Variants in ELMOD1 observed in about 807,000 individuals in gnomAD.
ELMOD1 encodes the protein ELMO domain-containing protein 1.
A neutral mutation model predicts 46.7 loss-of-function variants in ELMOD1; 21 were observed. The observed-to-expected ratio is 0.45, with a 90% CI of 0.32 to 0.65. ELMOD1 has a LOEUF of 0.65. Among genes scored for constraint, ELMOD1 ranks in the 30% least tolerant of loss-of-function variants. ELMOD1 has a pLI of 0.04. For missense variants in ELMOD1, 348 were observed against 407.8 expected, an observed-to-expected ratio of 0.85 and a Z score of 1.26; for synonymous variants, 122 against 138.2, an observed-to-expected ratio of 0.88 and a Z score of 0.82.
In ELMOD1 at chr11:107,631,441, G is replaced by C. The variant is rs1368800780; in HGVS notation, c.193-139G>C. On this transcript the variant is annotated intron_variant, in intron 4 of 11. Transcript: ENST00000265840. ...AAATGTCAAATTTATTAGAATTCAAGTACGCTAAATCAATTGTTGCTTTTA... is the reference window on the plus strand; with the variant it reads ...AAATGTCAAATTTATTAGAATTCAACTACGCTAAATCAATTGTTGCTTTTA... The C allele has an allele frequency of 5.5e-5, 17 of 306,502 alleles. No homozygotes were observed. The South Asian group carries it at 2.1e-3, about 37-fold the overall frequency. 19.0% of individuals were successfully genotyped at this position (306,502 alleles called of 1,614,324 possible). A position where few individuals can be genotyped will look rare whatever the true frequency, so the allele number is the denominator to read the frequency against.
At chr11:107,614,306 A>G (rs1388578098) in intron 1 of ELMOD1, among the ~76,000 whole-genome samples, 1 of 152,152 alleles carries the variant, frequency 6.6e-6, no homozygotes, top group Non-Finnish European at 1.5e-5. Flanking sequence ...TTTATTCCTC[A>G]TATTACAATT....
At chr11:107,644,987 G>A (rs1353125837) in intron 6 of ELMOD1, among the ~76,000 whole-genome samples, 2 of 149,518 alleles carry the variant, frequency 1.3e-5, no homozygotes, top group Admixed American at 6.7e-5. Flanking sequence ...GCAGTGGCGC[G>A]ATCTCGGCTC....
intron 2 of ELMOD1, among the ~76,000 whole-genome samples, chr11:107,626,510 C>T (rs190830159): frequency 2.0e-5 from 3 of 151,350 alleles, no homozygotes; most frequent in African/African-American, 7.3e-5. Flanking sequence ...CTCTTCCTTC[C>T]TCTCTCCCTC....
In ELMOD1 at chr11:107,626,513, TCTCC is replaced by T. The variant is rs141618971; in HGVS notation, c.18-3900_18-3897del. ...CCCTTCCTTATTCTCTTCCTTCCTC[TCTCC>T]CTCTGTTCCTCCCTCCTGTCCCTCC... On this transcript the variant is annotated intron_variant, in intron 2 of 11. Transcript: ENST00000265840. Among the ~76,000 whole-genome samples the T allele has an allele frequency of 5.4e-3, 819 of 151,334 alleles. 4 individuals carry two copies. The highest frequency in any genetic ancestry group is 0.018 in the African/African-American group (732 of 41,168).
At chr11:107,631,816 G>C (rs1468219385) in intron 5 of ELMOD1, 139 bp downstream of exon 5, 1 of 502,616 alleles carries the variant, frequency 2.0e-6, no homozygotes, top group Non-Finnish European at 3.5e-6. Context: ...TTTCAGATGA[G>C]GAATAAAGAA....
rs925688394 is a variant in ELMOD1 at position 107,665,276 on chromosome 11, C to T, written c.*79C>T. 6.9e-5 allele frequency: 97 copies of T among 1,412,686 alleles called. 2 individuals are homozygous for T. Among genetic ancestry groups the T allele is most frequent in the South Asian group, 2.9e-4 (22 of 76,844 alleles). The allele number at this position is 1,412,686 out of a possible 1,614,324, so 87.5% of individuals were successfully genotyped here. The stretch of plus-strand genomic sequence containing the variant: ...AGATCTCTGCTTAGGTCGCAGCTCA[C>T]GCATTGAATGCACACAGTGATTGTA... On this transcript the variant is annotated 3_prime_UTR_variant, in exon 12 of 12. Transcript: ENST00000265840.
intron 7 of ELMOD1, among the ~76,000 whole-genome samples, chr11:107,649,432 C>T (rs1352254403): frequency 1.3e-5 from 2 of 152,128 alleles, no homozygotes; most frequent in Non-Finnish European, 2.9e-5. Flanking sequence ...AAGACTGACA[C>T]ATAAATGATA....
intron 6 of ELMOD1, among the ~76,000 whole-genome samples, chr11:107,638,920 G>A (rs1591125637): frequency 1.3e-5 from 2 of 152,216 alleles, no homozygotes; most frequent in South Asian, 4.1e-4. Flanking sequence ...GCTGAGGCAG[G>A]AGGATCACTT....
chr11:107,615,183 A>C (rs1865839769), intron 1 of ELMOD1, among the ~76,000 whole-genome samples: 1 of 151,752 alleles, frequency 6.6e-6, no homozygotes, highest in South Asian at 2.1e-4. Context: ...AAAAGCTACA[A>C]AGATAGTACA....
intron 6 of ELMOD1, among the ~76,000 whole-genome samples, chr11:107,638,941 GT>G (rs971554315): frequency 1.3e-5 from 2 of 151,762 alleles, no homozygotes; most frequent in Non-Finnish European, 2.9e-5. Flanking sequence ...GAGCCCAGGA[GT>G]TCAAGACCAG....
At chr11:107,664,759 G>A (rs1383717319) in intron 11 of ELMOD1, among the ~76,000 whole-genome samples, 1 of 152,060 alleles carries the variant, frequency 6.6e-6, no homozygotes, top group African/African-American at 2.4e-5. Flanking sequence ...CTCAAGAGAT[G>A]GCAGAACTGA....
At chr11:107,648,497 C>T (rs1207316920) in intron 7 of ELMOD1, among the ~76,000 whole-genome samples, 4 of 152,246 alleles carry the variant, frequency 2.6e-5, no homozygotes, top group Non-Finnish European at 5.9e-5. Context: ...GGATCCCAGC[C>T]TGATGCCTCC....
chr11:107,662,175 T>C (rs1413056797), intron 11 of ELMOD1, among the ~76,000 whole-genome samples: 1 of 152,174 alleles, frequency 6.6e-6, no homozygotes, highest in East Asian at 1.9e-4. Context: ...AGAGTCTCTC[T>C]CTCTCTTGCT....
chr11:107,624,182 A>G lies in ELMOD1; in HGVS notation c.17+5976A>G, dbSNP rs1233855859. 2.1e-4 allele frequency among the ~76,000 whole-genome samples: 32 copies of G among 152,154 alleles called. 1 individual carries two copies. Among genetic ancestry groups the G allele is most frequent in the Admixed American group, 2.1e-3 (32 of 15,272 alleles). On this transcript the variant is annotated intron_variant, in intron 2 of 11. Coordinates refer to ENST00000265840, the MANE Select transcript of ELMOD1 (RefSeq NM_018712.4). ...ATGACTTTATTTATATGTTTACTTA[A>G]TTTGGGTTGCCTTAAAAATATTTTT...
In ELMOD1 at chr11:107,627,604, G is replaced by T. The variant is rs117814914; in HGVS notation, c.18-2813G>T. ...CAGTGGGAGAAATTAGAGTTGGGCT[G>T]TAGGTAACTCTATATATGGACACTT... On this transcript the variant is annotated intron_variant, in intron 2 of 11. Transcript: ENST00000265840. Among the ~76,000 whole-genome samples, 8 of 152,302 alleles carry T rather than the reference G, an allele frequency of 5.3e-5. No homozygotes were observed. In the East Asian group the frequency reaches 1.2e-3, roughly 22 times the overall value.
chr11:107,619,809 C>G (rs117770434), intron 2 of ELMOD1, among the ~76,000 whole-genome samples: 8 of 152,210 alleles, frequency 5.3e-5, no homozygotes, highest in Non-Finnish European at 1.0e-4. Flanking sequence ...GGTTACAGAA[C>G]CAACACATCC....
intron 10 of ELMOD1, among the ~76,000 whole-genome samples, chr11:107,655,095 A>T (rs1457624410): frequency 1.3e-5 from 2 of 152,122 alleles, no homozygotes; most frequent in African/African-American, 2.4e-5. Flanking sequence ...ACCCAATCTT[A>T]TTACTCTAGC....
At chr11:107,607,417 A>G (rs539204248) in intron 1 of ELMOD1, among the ~76,000 whole-genome samples, 1 of 152,286 alleles carries the variant, frequency 6.6e-6, no homozygotes, top group Non-Finnish European at 1.5e-5. Context: ...GCACTTTGGG[A>G]GGCTGAGGCA....
At position 107,635,467 on chromosome 11, in the gene ELMOD1, T is replaced by C. The variant is rs1327551590; in HGVS notation, c.291-169T>C. ...TTTAGCCAGGTTCTACAGTTGTCCA[T>C]GTGGAGATTTAATAAGAATTGTGCT... On this transcript the variant is annotated intron_variant, in intron 5 of 11. Coordinates refer to ENST00000265840, the MANE Select transcript of ELMOD1 (RefSeq NM_018712.4). Among the ~76,000 whole-genome samples the C allele has an allele frequency of 2.6e-5, 4 of 152,168 alleles. No homozygotes were observed. The East Asian group carries it at 5.8e-4, about 22-fold the overall frequency.
Sources: allele counts gnomAD v4.1 joint callset (sites outside exome capture counted in the v4.1 genomes callset), GRCh38; gene constraint gnomAD v4.1.1; transcripts MANE v1.5; gene names NCBI Gene and HGNC (gene_info 2026-07-23, HGNC 2026-07-21).